The following ANAPC2 variants were observed in gnomAD, a reference collection of about 807,000 sequenced individuals.
The protein encoded by ANAPC2 is anaphase-promoting complex subunit 2.
ANAPC2 carries 29 observed loss-of-function variants against 84.3 expected under a neutral mutation model. That is an observed-to-expected ratio of 0.34 (90% CI 0.26 to 0.47). The LOEUF is 0.47. Among genes scored for constraint, ANAPC2 ranks in the 20% least tolerant of loss-of-function variants. ANAPC2 has a pLI of 1.00. For missense variants in ANAPC2, 857 were observed against 1,131.7 expected, an observed-to-expected ratio of 0.76 and a Z score of 3.48; for synonymous variants, 571 against 479.4, an observed-to-expected ratio of 1.19 and a Z score of -2.50.
chr9:137,187,696 A>C lies in ANAPC2; in HGVS notation c.525T>G (p.Arg175=). Residue 175 remains arginine (R), a synonymous_variant, in exon 2 of 13, where the codon CGT becomes CGG. Transcript: ENST00000323927. The part of the protein sequence containing the change: ...TPRTFQEMIQ[R]LYGCFLRVYM... ...AGACTCTCAAGAAGCACCCATACAGACGCTGGATCATCTCTTGGAAGGTTC... is the reference window on the plus strand; with the variant it reads ...AGACTCTCAAGAAGCACCCATACAGCCGCTGGATCATCTCTTGGAAGGTTC... The C allele has an allele frequency of 6.2e-7, 1 of 1,613,940 alleles. No individual in the cohort carries two copies. Among genetic ancestry groups the C allele is most frequent in the Non-Finnish European group, 8.5e-7 (1 of 1,180,004 alleles).
At chr9:137,179,286 C>T (rs1834289186) in intron 10 of ANAPC2, among the ~76,000 whole-genome samples, 1 of 152,166 alleles carries the variant, frequency 6.6e-6, no homozygotes, top group Non-Finnish European at 1.5e-5. Flanking sequence ...GCCTCACAGG[C>T]CCCACACATC....
intron 1 of ANAPC2, 27 bp from the exon 2 acceptor site, chr9:137,188,130 G>A (rs768449273): frequency 2.5e-6 from 4 of 1,600,922 alleles, no homozygotes; most frequent in Non-Finnish European, 3.4e-6. Flanking sequence ...CGTGAGGCGA[G>A]GGGAACACAA....
intron 10 of ANAPC2, among the ~76,000 whole-genome samples, chr9:137,178,560 C>G (rs1010452686): frequency 6.6e-6 from 1 of 152,152 alleles, no homozygotes; most frequent in Admixed American, 6.5e-5. Flanking sequence ...GGAAAGGGAC[C>G]GAGCACGGAG....
intron 6 of ANAPC2, among the ~76,000 whole-genome samples, chr9:137,182,288 G>A (rs1357541834): frequency 2.0e-5 from 3 of 152,166 alleles, no homozygotes; most frequent in Admixed American, 6.5e-5. Flanking sequence ...CGAGGCAGGC[G>A]GATCACGAGG....
intron 6 of ANAPC2, among the ~76,000 whole-genome samples, chr9:137,182,111 G>A (rs964334521): frequency 2.0e-5 from 3 of 152,310 alleles, no homozygotes; most frequent in Admixed American, 2.0e-4. Context: ...AGCACATAGG[G>A]ACACTAAGCC....
At chr9:137,183,445 TC>T in intron 5 of ANAPC2, 1 of 754,222 alleles carries the variant, frequency 1.3e-6, no homozygotes, top group East Asian at 2.7e-5. Flanking sequence ...GAACTAAGTC[TC>T]ATCACCTCAG....
At position 137,175,785 on chromosome 9, in the gene ANAPC2, A is replaced by T. The variant is rs762509362; in HGVS notation, c.1943T>A (p.Val648Glu). The change falls in exon 11 of 13, where the codon GTG (valine) becomes GAG (glutamate). Residue 648 changes from valine to glutamate, a missense_variant. Coordinates refer to ENST00000323927, the MANE Select transcript of ANAPC2 (RefSeq NM_013366.4). ...AGACAGCGTGCGGTCGGCCAGCTCCACGTCCATGGTCACCAGGCCCAGGGT... is the reference window on the plus strand; with the variant it reads ...AGACAGCGTGCGGTCGGCCAGCTCCTCGTCCATGGTCACCAGGCCCAGGGT... ...KHTLGLVTMD[V>E]ELADRTLSVA... is the part of the protein sequence containing the mutation. 1 of 1,610,902 alleles carries T rather than the reference A, an allele frequency of 6.2e-7. No homozygotes were observed.
At chr9:137,187,165 CA>C in intron 2 of ANAPC2, 1 of 359,230 alleles carries the variant, frequency 2.8e-6, no homozygotes, top group Admixed American at 4.3e-5. Flanking sequence ...CATTCCTCCC[CA>C]GGATCGACAA....
chr9:137,179,146 C>G (rs1396857157), intron 10 of ANAPC2, among the ~76,000 whole-genome samples: 1 of 152,194 alleles, frequency 6.6e-6, no homozygotes, highest in East Asian at 1.9e-4. Context: ...GGACCATCCC[C>G]TTCCTGGGGT....
chr9:137,188,191 A>G, intron 1 of ANAPC2, 88 bp from the exon 2 acceptor site: 1 of 1,493,388 alleles, frequency 6.7e-7, no homozygotes, highest in South Asian at 1.3e-5. Flanking sequence ...GGGAGGCTGC[A>G]AAAACTCCGC....
intron 10 of ANAPC2, among the ~76,000 whole-genome samples, chr9:137,177,431 G>A (rs1026563447): frequency 6.6e-6 from 1 of 152,160 alleles, no homozygotes; most frequent in Non-Finnish European, 1.5e-5. Flanking sequence ...TGGAGGAATG[G>A]CGCGCACTCC....
chr9:137,183,648 G>A (rs1484201360), intron 5 of ANAPC2, 24 bp downstream of exon 5: 9 of 1,602,584 alleles, frequency 5.6e-6, no homozygotes, highest in Middle Eastern at 1.7e-4. Flanking sequence ...CCAGAGTGCT[G>A]GGTGGCCGGG....
chr9:137,185,134 C>T, intron 3 of ANAPC2, 47 bp from the exon 4 acceptor site: 1 of 1,461,246 alleles, frequency 6.8e-7, no homozygotes, highest in Non-Finnish European at 9.0e-7. Context: ...ATGGTGAGCC[C>T]CGGGCTGACT....
In ANAPC2 at chr9:137,188,430, C is replaced by A; in HGVS notation, c.103G>T (p.Ala35Ser). The A allele has an allele frequency of 6.2e-7, 1 of 1,608,494 alleles. No homozygotes were observed. Residue 35 changes from alanine (A) to serine (S), a missense_variant, in exon 1 of 13, where the codon GCT becomes TCT. Around this residue, in one of 3 missense-constraint regions of ANAPC2, gnomAD observed 428 missense variants for 513.8 expected, o/e 0.83. Transcript: ENST00000323927. Reference protein sequence around the residue: ...NTVSTGLVPPAALGLVSSRTS... With the variant: ...NTVSTGLVPPSALGLVSSRTS... ...CCAGGCCTCACCAGCCCCAGCGCAG[C>A]CGGCGGCACCAGGCCGGTGCTCACG... is the stretch of plus-strand genomic sequence containing the variant.
chr9:137,179,987 C>T (rs574457382), intron 10 of ANAPC2, among the ~76,000 whole-genome samples, 194 bp downstream of exon 10: 73 of 152,364 alleles, frequency 4.8e-4, no homozygotes, highest in Non-Finnish European at 7.9e-4. Flanking sequence ...ACAGGGGACA[C>T]GGGGTTGCTG....
intron 4 of ANAPC2, among the ~76,000 whole-genome samples, chr9:137,184,599 G>A (rs1220874708): frequency 1.5e-5 from 2 of 135,572 alleles, no homozygotes; most frequent in Non-Finnish European, 3.1e-5. Context: ...CACGGCGAAG[G>A]CCCTGGGAGC....
chr9:137,179,392 C>G (rs1337163947), intron 10 of ANAPC2, among the ~76,000 whole-genome samples: 1 of 152,162 alleles, frequency 6.6e-6, no homozygotes, highest in Admixed American at 6.5e-5. Context: ...CTAACCCTTC[C>G]TCCCCGAGCT....
chr9:137,177,212 G>C (rs1419623493), intron 10 of ANAPC2: 5 of 152,256 alleles, frequency 3.3e-5, no homozygotes, highest in Non-Finnish European at 2.9e-5. Context: ...CAGGCTCCAA[G>C]AGCAGAGCCG....
chr9:137,186,505 G>A, intron 2 of ANAPC2, 149 bp from the exon 3 acceptor site: 2 of 1,155,970 alleles, frequency 1.7e-6, no homozygotes, highest in Non-Finnish European at 2.4e-6. Flanking sequence ...ACAATCCTCA[G>A]CTGTGGGGGG....
Sources: allele counts gnomAD v4.1 joint callset (sites outside exome capture counted in the v4.1 genomes callset), GRCh38; gene constraint gnomAD v4.1.1; regional missense constraint gnomAD v4.1.1; transcripts MANE v1.5; gene names NCBI Gene and HGNC (gene_info 2026-07-23, HGNC 2026-07-21).